Variants in CDH13 observed in about 807,000 individuals in gnomAD.
The protein encoded by CDH13 is cadherin-13.
In CDH13, 24 loss-of-function variants were observed where a neutral mutation model predicts 63.8. The observed-to-expected ratio is 0.38, with a 90% CI of 0.27 to 0.53. The LOEUF (loss-of-function observed/expected upper bound fraction) is 0.53, where lower values mean the gene tolerates loss of function less well. Ranked by LOEUF, CDH13 falls within the 20% of genes least tolerant of loss-of-function variation. The probability of loss-of-function intolerance (pLI) is 0.85; values close to 1 mark genes in which losing one functional copy is unlikely to be tolerated. For synonymous variants in CDH13, 503 were observed against 355.3 expected (o/e 1.42, Z -4.67); for missense variants, 1,049 against 903.1 (o/e 1.16, Z -2.07).
intron 7 of CDH13, among the ~76,000 whole-genome samples, chr16:83,582,256 TG>T (rs893414266): frequency 9.9e-5 from 15 of 152,072 alleles, no homozygotes; most frequent in Admixed American, 4.6e-4. Flanking sequence ...CAGATGTTTC[TG>T]GGTTACACAA....
chr16:83,212,371 G>T (rs776319519), intron 4 of CDH13, among the ~76,000 whole-genome samples: 5 of 152,104 alleles, frequency 3.3e-5, no homozygotes, highest in Non-Finnish European at 7.3e-5. Context: ...CTTCCTCCTG[G>T]ATCTAAACTA....
At chr16:83,778,478 C>T (rs998180660) in intron 11 of CDH13, among the ~76,000 whole-genome samples, 2 of 150,918 alleles carry the variant, frequency 1.3e-5, no homozygotes, top group African/African-American at 2.4e-5. Flanking sequence ...TGCAGTAAGC[C>T]GAGACCACAC....
chr16:83,618,803 G>A (rs1210037003), intron 8 of CDH13, among the ~76,000 whole-genome samples: 3 of 152,060 alleles, frequency 2.0e-5, no homozygotes, highest in South Asian at 2.1e-4. Context: ...TCGTTAGAGT[G>A]GAGACAGGTT....
At chr16:83,273,204 G>A (rs955052866) in intron 5 of CDH13, among the ~76,000 whole-genome samples, 3 of 152,036 alleles carry the variant, frequency 2.0e-5, no homozygotes, top group African/African-American at 7.2e-5. Context: ...TTTAGGTGCA[G>A]GGGATACATG....
chr16:82,907,271 G>A (rs968716563), intron 2 of CDH13, among the ~76,000 whole-genome samples: 2 of 152,126 alleles, frequency 1.3e-5, no homozygotes, highest in African/African-American at 2.4e-5. Context: ...GCAGGAGGAA[G>A]GGGTGGCCCA....
chr16:83,096,297 C>T (rs1270828698), intron 3 of CDH13, among the ~76,000 whole-genome samples: 1 of 152,188 alleles, frequency 6.6e-6, no homozygotes, highest in African/African-American at 2.4e-5. Flanking sequence ...TACCTGAGAG[C>T]AGCCCAGAAA....
At chr16:83,477,981 A>T (rs1448194379) in intron 6 of CDH13, among the ~76,000 whole-genome samples, 1 of 152,008 alleles carries the variant, frequency 6.6e-6, no homozygotes, top group Non-Finnish European at 1.5e-5. Context: ...GGAGATCGAG[A>T]CCATCCTGAC....
intron 6 of CDH13, among the ~76,000 whole-genome samples, chr16:83,390,959 G>C (rs1037170186): frequency 6.6e-6 from 1 of 152,124 alleles, no homozygotes; most frequent in Non-Finnish European, 1.5e-5. Context: ...CCAGCTTCCT[G>C]TGCTTGGGAT....
intron 3 of CDH13, among the ~76,000 whole-genome samples, chr16:83,084,755 G>A (rs1410045920): frequency 6.6e-6 from 1 of 152,130 alleles, no homozygotes; most frequent in African/African-American, 2.4e-5. Flanking sequence ...CAGGTGTGGT[G>A]GCAGCACCTG....
chr16:83,716,588 A>T (rs1483519458), intron 10 of CDH13, among the ~76,000 whole-genome samples: 4 of 152,034 alleles, frequency 2.6e-5, no homozygotes, highest in Non-Finnish European at 5.9e-5. Flanking sequence ...GACTCAAGCA[A>T]TCCTCCTGCC....
chr16:83,664,830 G>T (rs976335454), intron 8 of CDH13, among the ~76,000 whole-genome samples: 1 of 152,128 alleles, frequency 6.6e-6, no homozygotes, highest in African/African-American at 2.4e-5. Flanking sequence ...TGAAGGAAAT[G>T]GTTTTAGAAG....
chr16:83,357,116 G>A (rs1302039853), intron 6 of CDH13, among the ~76,000 whole-genome samples: 1 of 152,072 alleles, frequency 6.6e-6, no homozygotes, highest in Non-Finnish European at 1.5e-5. Context: ...TTAAAAAAAG[G>A]CCTGCTTTTC....
chr16:83,539,483 T>C (rs2075259552), intron 7 of CDH13, among the ~76,000 whole-genome samples: 1 of 152,024 alleles, frequency 6.6e-6, no homozygotes, highest in African/African-American at 2.4e-5. Context: ...ATTCAAGAAA[T>C]GCTAGTCCAC....
intron 2 of CDH13, among the ~76,000 whole-genome samples, chr16:83,020,678 C>A (rs1915264738): frequency 6.6e-6 from 1 of 152,190 alleles, no homozygotes; most frequent in South Asian, 2.1e-4. Flanking sequence ...GCCTAGGAAA[C>A]CAATATTGTG....
intron 6 of CDH13, among the ~76,000 whole-genome samples, chr16:83,468,439 C>G (rs1160961991): frequency 6.6e-6 from 1 of 152,216 alleles, no homozygotes; most frequent in African/African-American, 2.4e-5. Flanking sequence ...GACTTCTGAC[C>G]TGAAGCCTTC....
intron 6 of CDH13, among the ~76,000 whole-genome samples, chr16:83,463,369 G>T (rs1451159320): frequency 6.6e-6 from 1 of 152,172 alleles, no homozygotes; most frequent in Non-Finnish European, 1.5e-5. Context: ...CCAGGGACTG[G>T]CTGGGGGCTC....
At chr16:83,072,855 G>T (rs2032538793) in intron 3 of CDH13, among the ~76,000 whole-genome samples, 2 of 152,152 alleles carry the variant, frequency 1.3e-5, no homozygotes, top group Admixed American at 1.3e-4. Context: ...CTACATTGGA[G>T]GAAAGTTGTA....
chr16:83,624,614 C>T (rs1292126012), intron 8 of CDH13, among the ~76,000 whole-genome samples: 5 of 152,170 alleles, frequency 3.3e-5, no homozygotes, highest in Admixed American at 3.3e-4. Flanking sequence ...GTCATGCTCA[C>T]TCACAGGATG....
At chr16:82,884,563 C>G (rs569052530) in intron 2 of CDH13, 1 of 194,888 alleles carries the variant, frequency 5.1e-6, no homozygotes, top group African/African-American at 2.3e-5. Context: ...TCCTGTGTCC[C>G]CTGTAGGTGT....
Sources: gnomAD v4.1 joint callset for allele counts (sites outside exome capture counted in the v4.1 genomes callset) on GRCh38, gnomAD v4.1.1 for gene constraint, MANE v1.5 for transcripts, NCBI Gene and HGNC (gene_info 2026-07-23, HGNC 2026-07-21) for gene names.